ASAP1: variants seen among roughly 807,000 people sequenced by gnomAD.
ASAP1 encodes the protein ArfGAP with SH3 domain, ankyrin repeat and PH domain 1.
Under a neutral mutation model 145.2 loss-of-function variants are expected in ASAP1, and 43 were observed. That is an observed-to-expected ratio of 0.30 (90% CI 0.23 to 0.38). The LOEUF (loss-of-function observed/expected upper bound fraction) is 0.38, where lower values mean the gene tolerates loss of function less well. Ranked by LOEUF, ASAP1 falls within the 10% of genes least tolerant of loss-of-function variation. The pLI, the probability that ASAP1 is intolerant of heterozygous loss-of-function variation, is 1.00. For synonymous variants in ASAP1, 546 were observed against 515.5 expected (o/e 1.06, Z -0.80); for missense variants, 1,018 against 1,355.3 (o/e 0.75, Z 3.91).
At chr8:130,119,091 ACTCT>A (rs759072351) in intron 18 of ASAP1, among the ~76,000 whole-genome samples, 3 of 142,542 alleles carry the variant, frequency 2.1e-5, no homozygotes, top group South Asian at 2.1e-4. Context: ...GTCTGATATA[ACTCT>A]CTATTTTTTA....
chr8:130,302,143 T>C lies in ASAP1; in HGVS notation c.186+55874A>G, dbSNP rs541074876. ...ATATCTGCATGCATGCAAAGACTCA[T>C]ACATTCTCTCATTTGCACAAATATT... On this transcript the variant is annotated intron_variant, in intron 3 of 29. Coordinates refer to ENST00000518721, the MANE Select transcript of ASAP1 (RefSeq NM_018482.4). Among the ~76,000 whole-genome samples the C allele has an allele frequency of 3.3e-5, 5 of 152,384 alleles. No homozygotes were observed. In the South Asian group the frequency reaches 1.0e-3, roughly 32 times the overall value.
chr8:130,099,156 C>A (rs370752677), intron 24 of ASAP1, among the ~76,000 whole-genome samples: 2 of 151,284 alleles, frequency 1.3e-5, no homozygotes, highest in South Asian at 4.2e-4. Flanking sequence ...TGGGACTATA[C>A]GTGTACGCCA....
At chr8:130,400,968 C>T (rs1031385328) in intron 2 of ASAP1, among the ~76,000 whole-genome samples, 40 of 152,072 alleles carry the variant, frequency 2.6e-4, no homozygotes, top group African/African-American at 8.9e-4. Flanking sequence ...GCAACCTCTG[C>T]TTCCGGGGTT....
intron 7 of ASAP1, 91 bp downstream of exon 7, chr8:130,187,145 T>TC: frequency 9.0e-7 from 1 of 1,112,158 alleles, no homozygotes; most frequent in Non-Finnish European, 1.3e-6. Context: ...AAGGGCTCTG[T>TC]CCTTTTTCCA....
At chr8:130,330,247 AT>A (rs1285644029) in intron 3 of ASAP1, among the ~76,000 whole-genome samples, 2 of 152,256 alleles carry the variant, frequency 1.3e-5, no homozygotes, top group East Asian at 3.8e-4. Flanking sequence ...GGGAGTCTCC[AT>A]TCCACTTTGC....
chr8:130,098,126 G>A (rs2097522351), intron 24 of ASAP1, among the ~76,000 whole-genome samples: 1 of 151,990 alleles, frequency 6.6e-6, no homozygotes, highest in Admixed American at 6.6e-5. Context: ...TTATCCATTT[G>A]AAGGATAAAA....
chr8:130,210,794 A>G (rs928013152), intron 5 of ASAP1, among the ~76,000 whole-genome samples: 33 of 152,218 alleles, frequency 2.2e-4, no homozygotes, highest in African/African-American at 7.7e-4. Flanking sequence ...TGGTGCATCT[A>G]TCTCTAAAAT....
chr8:130,428,471 A>AT (rs1830016477), intron 1 of ASAP1, among the ~76,000 whole-genome samples: 1 of 149,470 alleles, frequency 6.7e-6, no homozygotes, highest in Non-Finnish European at 1.5e-5. Flanking sequence ...CATCATCACC[A>AT]CCACCACCAC....
chr8:130,322,849 G>A (rs1448820552), intron 3 of ASAP1, among the ~76,000 whole-genome samples: 2 of 152,204 alleles, frequency 1.3e-5, no homozygotes, highest in East Asian at 1.9e-4. Context: ...GCAATGGAGA[G>A]CAGTGGGAAA....
At chr8:130,431,893 TAAG>T (rs1284528134) in intron 1 of ASAP1, among the ~76,000 whole-genome samples, 2 of 63,182 alleles carry the variant, frequency 3.2e-5, no homozygotes, top group African/African-American at 6.6e-5. Context: ...AGGGGGAAGA[TAAG>T]GAGGGGGAAA....
chr8:130,092,355 G>C (rs1307165585), intron 24 of ASAP1, among the ~76,000 whole-genome samples: 2 of 152,142 alleles, frequency 1.3e-5, no homozygotes, highest in Admixed American at 6.5e-5. Flanking sequence ...GCCAGGTGCA[G>C]TGGCTCATGC....
At chr8:130,235,995 C>A (rs915098041) in intron 4 of ASAP1, among the ~76,000 whole-genome samples, 3 of 151,830 alleles carry the variant, frequency 2.0e-5, no homozygotes, top group Admixed American at 6.6e-5. Flanking sequence ...ACTATCCTCA[C>A]GTTACAGAAG....
At chr8:130,323,085 C>T (rs142699541) in intron 3 of ASAP1, among the ~76,000 whole-genome samples, 1 of 152,184 alleles carries the variant, frequency 6.6e-6, no homozygotes, top group Admixed American at 6.5e-5. Flanking sequence ...TCATTACAGA[C>T]AACTACTGCA....
intron 3 of ASAP1, among the ~76,000 whole-genome samples, chr8:130,357,682 C>A (rs1826410010): frequency 1.3e-5 from 2 of 152,236 alleles, no homozygotes; most frequent in African/African-American, 4.8e-5. Context: ...CGCCACCTAC[C>A]TCGAGGGTTA....
At chr8:130,199,842 C>T (rs1316794965) in intron 5 of ASAP1, among the ~76,000 whole-genome samples, 1 of 151,468 alleles carries the variant, frequency 6.6e-6, no homozygotes, top group Non-Finnish European at 1.5e-5. Flanking sequence ...GTAACAAAAA[C>T]AAACAAACAA....
intron 9 of ASAP1, among the ~76,000 whole-genome samples, chr8:130,173,082 A>T (rs1813696301): frequency 6.6e-6 from 1 of 152,238 alleles, no homozygotes; most frequent in African/African-American, 2.4e-5. Flanking sequence ...ATCACGTATT[A>T]ATCAGTTAAA....
chr8:130,166,988 C>A (rs571218386), intron 11 of ASAP1, among the ~76,000 whole-genome samples: 1 of 152,248 alleles, frequency 6.6e-6, no homozygotes, highest in East Asian at 1.9e-4. Context: ...AAGTGCATGT[C>A]CTCAAAACTA....
chr8:130,388,210 T>C (rs1318115635), intron 2 of ASAP1, among the ~76,000 whole-genome samples: 1 of 152,132 alleles, frequency 6.6e-6, no homozygotes, highest in Non-Finnish European at 1.5e-5. Flanking sequence ...CGGAGGCCAA[T>C]GTGCTGAAGC....
chr8:130,339,998 G>A (rs949576134), intron 3 of ASAP1, among the ~76,000 whole-genome samples: 4 of 152,154 alleles, frequency 2.6e-5, no homozygotes, highest in African/African-American at 9.7e-5. Context: ...CAAGGCTTCC[G>A]TGTGTGTACA....
Sources: allele counts gnomAD v4.1 joint callset (sites outside exome capture counted in the v4.1 genomes callset), GRCh38; gene constraint gnomAD v4.1.1; transcripts MANE v1.5; gene names NCBI Gene and HGNC (gene_info 2026-07-23, HGNC 2026-07-21).